Variants in INPP5A observed in about 807,000 individuals in gnomAD.
INPP5A encodes the protein 43 kDa inositol polyphosphate 5-phophatase.
In INPP5A, 14 loss-of-function variants were observed where a neutral mutation model predicts 65.2. That is an observed-to-expected ratio of 0.21 (90% CI 0.14 to 0.34). INPP5A has a LOEUF of 0.34. INPP5A is among the 10% of genes least tolerant of loss of function. The pLI is 1.00. For missense variants in INPP5A, 431 were observed against 545.6 expected (o/e 0.79, Z 2.09); for synonymous variants, 207 against 208.3 (o/e 0.99, Z 0.05).
chr10:132,677,718 C>T (rs941089645), intron 4 of INPP5A, among the ~76,000 whole-genome samples: 1 of 152,212 alleles, frequency 6.6e-6, no homozygotes, highest in African/African-American at 2.4e-5. Flanking sequence ...GATTAAGCGG[C>T]TGGTATGTGG....
intron 2 of INPP5A, among the ~76,000 whole-genome samples, chr10:132,631,550 C>G (rs1054919555): frequency 2.6e-5 from 4 of 152,238 alleles, no homozygotes; most frequent in Admixed American, 2.6e-4. Context: ...GGATGTAATT[C>G]CTTTTTAGGT....
chr10:132,645,871 G>T lies in INPP5A; in HGVS notation c.121G>T (p.Val41Leu). Residue 41 changes from valine to leucine, a missense_variant, in exon 3 of 16, where the codon GTG (valine) becomes TTG (leucine). By Grantham distance (32) the Val-to-Leu change is conservative. Coordinates refer to ENST00000368594, the MANE Select transcript of INPP5A (RefSeq NM_005539.5). ...KNWLREFYQVVHTHKPHFMAL... is the reference protein window; with the variant it reads ...KNWLREFYQVLHTHKPHFMAL... ...CAGTGTGCTTCTCTCCCTCCAGGTC[G>T]TGCACACACACAAGCCGCACTTCAT... The T allele has an allele frequency of 6.2e-7, 1 of 1,612,628 alleles. No individual in the cohort carries two copies. Among genetic ancestry groups the T allele is most frequent in the Middle Eastern group, 1.7e-4 (1 of 6,042 alleles).
At chr10:132,543,183 A>G (rs1043308650) in intron 1 of INPP5A, among the ~76,000 whole-genome samples, 2 of 152,098 alleles carry the variant, frequency 1.3e-5, no homozygotes, top group South Asian at 2.1e-4. Context: ...ACCACAGGCA[A>G]TTGTAGAACA....
At chr10:132,768,506 G>A (rs891983232) in intron 12 of INPP5A, among the ~76,000 whole-genome samples, 4 of 152,274 alleles carry the variant, frequency 2.6e-5, no homozygotes, top group African/African-American at 9.6e-5. Flanking sequence ...CGCTGCGTCT[G>A]CCCTGGCGGG....
rs575632078 is a variant in INPP5A at position 132,611,543 on chromosome 10, A to G, written c.117+3587A>G. ...GGAAGGGGCGAGGCCCTGTCAGGGGAGGGTGAGGGAGGTGAGGTGGGAAGG... is the reference window on the plus strand; with the variant it reads ...GGAAGGGGCGAGGCCCTGTCAGGGGGGGGTGAGGGAGGTGAGGTGGGAAGG... On this transcript the variant is annotated intron_variant, in intron 2 of 15. Coordinates refer to ENST00000368594, the MANE Select transcript of INPP5A (RefSeq NM_005539.5). 2.5e-5 allele frequency among the ~76,000 whole-genome samples: 3 copies of G among 120,568 alleles called. No individual in the cohort carries two copies. The South Asian group carries it at 9.8e-4, about 39-fold the overall frequency. The allele number at this position is 120,568 out of a possible 152,430, so 79.1% of individuals were successfully genotyped here. A position where few individuals can be genotyped will look rare whatever the true frequency, so the allele number is the denominator to read the frequency against.
intron 8 of INPP5A, among the ~76,000 whole-genome samples, chr10:132,712,524 G>T (rs1198238339): frequency 4.0e-5 from 6 of 150,078 alleles, no homozygotes; most frequent in Admixed American, 6.6e-5. Flanking sequence ...GGGTGTGGGG[G>T]TTGCATTGTG....
chr10:132,646,399 C>T (rs903968972), intron 3 of INPP5A, among the ~76,000 whole-genome samples: 10 of 152,160 alleles, frequency 6.6e-5, no homozygotes, highest in African/African-American at 2.4e-4. Flanking sequence ...AGGTGCCCCA[C>T]GTGTATTCCC....
At chr10:132,775,507 A>C (rs1007120811) in intron 12 of INPP5A, among the ~76,000 whole-genome samples, 12 of 152,076 alleles carry the variant, frequency 7.9e-5, no homozygotes, top group African/African-American at 2.7e-4. Context: ...CCTTCCCCAG[A>C]CCCAGCTGGA....
At chr10:132,656,690 C>T (rs898907502) in intron 4 of INPP5A, among the ~76,000 whole-genome samples, 4 of 152,338 alleles carry the variant, frequency 2.6e-5, no homozygotes, top group African/African-American at 7.2e-5. Flanking sequence ...CCAGGTGAGC[C>T]GGTCCTGAAG....
rs1311051241 is a variant in INPP5A at position 132,550,713 on chromosome 10, C to T, written c.75+12542C>T. On this transcript the variant is annotated intron_variant, in intron 1 of 15. Coordinates refer to ENST00000368594, the MANE Select transcript of INPP5A (RefSeq NM_005539.5). This position sits in a 1 kb window ranked among gnomAD's most constrained non-coding sequence, Gnocchi z 4.2. ...TTCACTATTAAAACAAGTGGAAACA[C>T]TAGTTTGGTCCCGCCTGACCTCATG... Among the ~76,000 whole-genome samples the T allele has an allele frequency of 6.6e-6, 1 of 152,212 alleles. No homozygotes were observed. Among genetic ancestry groups the T allele is most frequent in the Non-Finnish European group, 1.5e-5 (1 of 68,032 alleles).
intron 9 of INPP5A, among the ~76,000 whole-genome samples, chr10:132,739,552 G>T (rs1389960914): frequency 1.3e-5 from 2 of 152,232 alleles, no homozygotes; most frequent in African/African-American, 4.8e-5. Flanking sequence ...GCATACTTGG[G>T]GGTGGTGGCT....
intron 1 of INPP5A, among the ~76,000 whole-genome samples, chr10:132,562,015 T>C (rs1473575213): frequency 2.0e-5 from 3 of 152,230 alleles, no homozygotes; most frequent in East Asian, 3.8e-4. Context: ...GGCAAACTCA[T>C]GTCTGCAGTT....
intron 1 of INPP5A, among the ~76,000 whole-genome samples, chr10:132,544,440 CTT>C (rs751954237): frequency 6.6e-6 from 1 of 151,032 alleles, no homozygotes; most frequent in Non-Finnish European, 1.5e-5. Flanking sequence ...TCTCAGCAGT[CTT>C]TTTTTTTGGG....
At chr10:132,640,970 G>A (rs1442600764) in intron 2 of INPP5A, among the ~76,000 whole-genome samples, 1 of 152,188 alleles carries the variant, frequency 6.6e-6, no homozygotes, top group African/African-American at 2.4e-5. Context: ...GGGATGCTCT[G>A]CCATGGCGTT....
intron 1 of INPP5A, among the ~76,000 whole-genome samples, chr10:132,598,489 A>G (rs1428966025): frequency 6.6e-6 from 1 of 152,196 alleles, no homozygotes; most frequent in Non-Finnish European, 1.5e-5. Context: ...GAGTGCGATC[A>G]TACATTCTTT....
chr10:132,553,115 G>GGT (rs2071076885), intron 1 of INPP5A, among the ~76,000 whole-genome samples: 1 of 131,956 alleles, frequency 7.6e-6, no homozygotes, highest in African/African-American at 2.9e-5. Flanking sequence ...TCAGAGCCTT[G>GGT]GTGGAATATT....
chr10:132,730,226 C>A (rs1325173838), intron 9 of INPP5A, among the ~76,000 whole-genome samples: 1 of 152,266 alleles, frequency 6.6e-6, no homozygotes, highest in Admixed American at 6.5e-5. Context: ...CTTCCCTCAG[C>A]CCCTCTGCCC....
chr10:132,712,317 G>A (rs999240941), intron 8 of INPP5A, among the ~76,000 whole-genome samples: 1 of 152,100 alleles, frequency 6.6e-6, no homozygotes, highest in Non-Finnish European at 1.5e-5. Context: ...GTTGCTTGTG[G>A]GGTTTGTGTG....
rs1392602053 is a variant in INPP5A at position 132,616,881 on chromosome 10, G to A, written c.117+8925G>A. Among the ~76,000 whole-genome samples, 3 of 152,086 alleles carry A rather than the reference G, an allele frequency of 2.0e-5. No homozygotes were observed. Among genetic ancestry groups the A allele is most frequent in the African/African-American group, 7.3e-5 (3 of 41,374 alleles). On this transcript the variant is annotated intron_variant, in intron 2 of 15. Transcript: ENST00000368594. The surrounding 1 kb of genome is among the most constrained non-coding windows in gnomAD (Gnocchi z 4.9). ...AGGAGCTCCTGGGCAGTCTGTTCTG[G>A]GAGTGAGGATGTTTGGGGGTTGTGG...
Sources: gnomAD v4.1 joint callset for allele counts (sites outside exome capture counted in the v4.1 genomes callset) on GRCh38, gnomAD v4.1.1 for gene constraint, Gnocchi (gnomAD v3.1) non-coding constraint, MANE v1.5 for transcripts, NCBI Gene and HGNC (gene_info 2026-07-23, HGNC 2026-07-21) for gene names.